GALNT17: variants seen among roughly 807,000 people sequenced by gnomAD.
The protein encoded by GALNT17 is polypeptide N-acetylgalactosaminyltransferase 17, also known as UDP-GalNAc:polypeptide N-acetylgalactosaminyltransferase-like 3.
Under a neutral mutation model 63.7 loss-of-function variants are expected in GALNT17, and 29 were observed. The ratio of observed to expected loss-of-function variants is 0.46; its 90% CI spans 0.34 to 0.62. The LOEUF (loss-of-function observed/expected upper bound fraction) is 0.62. Ranked by LOEUF, GALNT17 falls within the 20% of genes least tolerant of loss-of-function variation. GALNT17 has a pLI of 0.01. For synonymous variants in GALNT17, 305 were observed against 318.3 expected, an observed-to-expected ratio of 0.96 and a Z score of 0.45; for missense variants, 603 against 799.6, an observed-to-expected ratio of 0.75 and a Z score of 2.97.
intron 2 of GALNT17, among the ~76,000 whole-genome samples, chr7:71,370,381 C>A (rs546538981): frequency 1.5e-3 from 225 of 152,316 alleles, no homozygotes; most frequent in African/African-American, 5.0e-3. Flanking sequence ...TCACTGCAGC[C>A]TTGAACTCCT....
chr7:71,535,169 A>G (rs1180782612), intron 5 of GALNT17, among the ~76,000 whole-genome samples: 1 of 152,220 alleles, frequency 6.6e-6, no homozygotes, highest in Non-Finnish European at 1.5e-5. Flanking sequence ...TTGTGTTTTA[A>G]GAGGGAGGCC....
At chr7:71,433,267 G>C (rs1786901560) in intron 5 of GALNT17, among the ~76,000 whole-genome samples, 1 of 152,192 alleles carries the variant, frequency 6.6e-6, no homozygotes, top group Non-Finnish European at 1.5e-5. Context: ...CACTAGTCTG[G>C]TGAGTCTAAC....
chr7:71,520,696 C>T (rs893824847), intron 5 of GALNT17, among the ~76,000 whole-genome samples: 9 of 151,988 alleles, frequency 5.9e-5, no homozygotes, highest in South Asian at 2.1e-4. Context: ...CCTGGAATCC[C>T]GGCAAACTCT....
intron 1 of GALNT17, among the ~76,000 whole-genome samples, chr7:71,234,944 T>C (rs973676940): frequency 1.4e-4 from 21 of 152,110 alleles, no homozygotes; most frequent in Non-Finnish European, 4.4e-5. Flanking sequence ...ATTTTGATCT[T>C]AAGGATAAAA....
chr7:71,674,359 A>T (rs1162078901), intron 8 of GALNT17, among the ~76,000 whole-genome samples: 2 of 151,898 alleles, frequency 1.3e-5, no homozygotes, highest in Admixed American at 6.6e-5. Context: ...TAAAAAAAAA[A>T]AAAAGAGATA....
chr7:71,571,107 GGCTGGAACCCAGTACATGCTA>G, intron 5 of GALNT17, among the ~76,000 whole-genome samples, 157 bp from the exon 6 acceptor site: 1 of 124,374 alleles, frequency 8.0e-6, no homozygotes, highest in Admixed American at 7.4e-5. Context: ...GTACATGCTA[GGCTGGAACCCAGTACATGCTA>G]GGCTGGAACC....
At chr7:71,198,939 T>C (rs1453801008) in intron 1 of GALNT17, among the ~76,000 whole-genome samples, 1 of 152,198 alleles carries the variant, frequency 6.6e-6, no homozygotes, top group African/African-American at 2.4e-5. Context: ...GCTGGCACGA[T>C]CCTCAGAATT....
intron 1 of GALNT17, among the ~76,000 whole-genome samples, chr7:71,295,028 A>G (rs1791052545): frequency 6.6e-6 from 1 of 152,122 alleles, no homozygotes; most frequent in South Asian, 2.1e-4. Flanking sequence ...CTTTGAGTCA[A>G]ATGAATATTT....
chr7:71,142,335 A>G (rs1160286257), intron 1 of GALNT17, among the ~76,000 whole-genome samples: 1 of 152,054 alleles, frequency 6.6e-6, no homozygotes. Flanking sequence ...TCTCTCTTCC[A>G]TGTGTTTATC....
At chr7:71,237,115 G>A (rs1789907219) in intron 1 of GALNT17, among the ~76,000 whole-genome samples, 1 of 152,150 alleles carries the variant, frequency 6.6e-6, no homozygotes, top group Non-Finnish European at 1.5e-5. Context: ...CCACGGGAGT[G>A]GAACTGAAAT....
intron 6 of GALNT17, among the ~76,000 whole-genome samples, chr7:71,623,620 C>A (rs943929823): frequency 6.6e-6 from 1 of 151,616 alleles, no homozygotes; most frequent in African/African-American, 2.4e-5. Context: ...GCTGGAGTGC[C>A]GGACAAGGTT....
intron 5 of GALNT17, among the ~76,000 whole-genome samples, chr7:71,526,177 A>G (rs1369905684): frequency 6.6e-6 from 1 of 151,906 alleles, no homozygotes; most frequent in African/African-American, 2.4e-5. Context: ...ATCTTTCTTC[A>G]TTTTCATTCT....
intron 5 of GALNT17, among the ~76,000 whole-genome samples, chr7:71,506,853 G>A (rs1037653968): frequency 2.6e-5 from 4 of 152,168 alleles, no homozygotes; most frequent in African/African-American, 9.7e-5. Flanking sequence ...TAGGTTGGTG[G>A]CAAAGTAATT....
chr7:71,142,047 T>TGTGTGTGTG (rs57769191), intron 1 of GALNT17, among the ~76,000 whole-genome samples: 14 of 146,914 alleles, frequency 9.5e-5, no homozygotes, highest in African/African-American at 1.8e-4. Flanking sequence ...TGTGTGTGTG[T>TGTGTGTGTG]TTAGTAGAGA....
chr7:71,153,689 G>A (rs1431370351), intron 1 of GALNT17, among the ~76,000 whole-genome samples: 2 of 152,102 alleles, frequency 1.3e-5, no homozygotes, highest in South Asian at 2.1e-4. Flanking sequence ...GGCCGAGGCC[G>A]GTGGATCATT....
chr7:71,435,652 A>G (rs1786945501), intron 5 of GALNT17, among the ~76,000 whole-genome samples: 1 of 151,994 alleles, frequency 6.6e-6, no homozygotes, highest in Non-Finnish European at 1.5e-5. Flanking sequence ...TCAATTCCCT[A>G]TGATTTCATC....
At chr7:71,504,040 AAC>A (rs1788225393) in intron 5 of GALNT17, among the ~76,000 whole-genome samples, 1 of 152,110 alleles carries the variant, frequency 6.6e-6, no homozygotes, top group South Asian at 2.1e-4. Context: ...CATCCTGGCT[AAC>A]ACAGTAAAAC....
chr7:71,689,267 G>A (rs1346136439), intron 9 of GALNT17, among the ~76,000 whole-genome samples: 2 of 152,082 alleles, frequency 1.3e-5, no homozygotes, highest in African/African-American at 4.8e-5. Context: ...CTTTAGTGAG[G>A]AAGACAAGTC....
At chr7:71,382,237 G>A (rs1162277432) in intron 2 of GALNT17, among the ~76,000 whole-genome samples, 2 of 152,002 alleles carry the variant, frequency 1.3e-5, no homozygotes, top group Non-Finnish European at 1.5e-5. Flanking sequence ...AAAATTAGCC[G>A]GGTGTGGTGG....
Sources: allele counts gnomAD v4.1 joint callset (sites outside exome capture counted in the v4.1 genomes callset), GRCh38; gene constraint gnomAD v4.1.1; transcripts MANE v1.5; gene names NCBI Gene and HGNC (gene_info 2026-07-23, HGNC 2026-07-21).